The following ZSCAN32 variants were observed in gnomAD, a reference collection of about 807,000 sequenced individuals.
ZSCAN32 encodes the protein zinc finger and SCAN domain containing 32.
Under a neutral mutation model 47.4 loss-of-function variants are expected in ZSCAN32, and 52 were observed. The ratio of observed to expected loss-of-function variants is 1.10; its 90% CI spans 0.88 to 1.38. The LOEUF (loss-of-function observed/expected upper bound fraction) is 1.38, where lower values mean the gene tolerates loss of function less well. Among genes scored for constraint, ZSCAN32 ranks in the 40% most tolerant of loss-of-function variants. The pLI is 0.00. For missense variants in ZSCAN32, 959 were observed against 846.0 expected, an observed-to-expected ratio of 1.13 and a Z score of -1.66; for synonymous variants, 346 against 305.7, an observed-to-expected ratio of 1.13 and a Z score of -1.38.
Position 3,393,714 on chromosome 16 carries a change from T to A in ZSCAN32, c.467A>T (p.Gln156Leu). 1.3e-6 allele frequency: 2 copies of A among 1,550,530 alleles called. No homozygotes were observed. The highest frequency in any genetic ancestry group is 1.7e-6 in the Non-Finnish European group (2 of 1,146,978). ...SLRSQWKQEVQPEEPTFKGSQ... is the reference protein window; with the variant it reads ...SLRSQWKQEVLPEEPTFKGSQ... Reference sequence around the variant, plus strand: ...TCCCTTAAAAGTCGGTTCCTCTGGCTGAACCTCCTGTTTCCATTGGGATCT... The same window carrying A: ...TCCCTTAAAAGTCGGTTCCTCTGGCAGAACCTCCTGTTTCCATTGGGATCT... The change falls in exon 3 of 7, where the codon CAG becomes CTG. Residue 156 changes from glutamine (Q) to leucine (L), a missense_variant. Transcript: ENST00000396852.
intron 6 of ZSCAN32, chr16:3,383,932 C>T (rs1309862540): frequency 1.8e-6 from 1 of 552,154 alleles, no homozygotes; most frequent in Non-Finnish European, 3.1e-6. Flanking sequence ...TTTCTCCTAT[C>T]TTTTTTCGGA....
intron 3 of ZSCAN32, among the ~76,000 whole-genome samples, chr16:3,390,871 A>G (rs1380593443): frequency 1.3e-5 from 2 of 152,142 alleles, no homozygotes; most frequent in African/African-American, 4.8e-5. Context: ...ATGTCAGGGA[A>G]AAAAAGAGAA....
At chr16:3,391,186 C>T (rs2032649739) in intron 3 of ZSCAN32, among the ~76,000 whole-genome samples, 2 of 152,296 alleles carry the variant, frequency 1.3e-5, no homozygotes, top group South Asian at 2.1e-4. Flanking sequence ...CTGTGAGTGG[C>T]CCATGGGCCT....
Position 3,397,607 on chromosome 16 carries a change from C to T in ZSCAN32, c.-50G>A. The T allele has an allele frequency of 6.8e-7, 1 of 1,462,268 alleles. No individual in the cohort carries two copies. Among genetic ancestry groups the T allele is most frequent in the Non-Finnish European group, 9.0e-7 (1 of 1,105,414 alleles). 90.6% of individuals were successfully genotyped at this position (1,462,268 alleles called of 1,614,324 possible). A position where few individuals can be genotyped will look rare whatever the true frequency, so the allele number is the denominator to read the frequency against. On this transcript the variant is annotated 5_prime_UTR_variant, in exon 2 of 7. Transcript: ENST00000396852. The stretch of plus-strand genomic sequence containing the variant: ...TGGTTGCCACTTCTACCCTGGAGAT[C>T]AGAGTCCATCTTTCCCACATCACTG...
intron 3 of ZSCAN32, among the ~76,000 whole-genome samples, chr16:3,390,812 T>A (rs2032600257): frequency 6.6e-6 from 1 of 152,122 alleles, no homozygotes; most frequent in South Asian, 2.1e-4. Context: ...ATGAGATTCC[T>A]CTTGGCATAA....
chr16:3,398,356 A>G (rs1413765344), intron 1 of ZSCAN32, among the ~76,000 whole-genome samples: 3 of 151,972 alleles, frequency 2.0e-5, no homozygotes, highest in Non-Finnish European at 4.4e-5. Context: ...CGTTTTCCAC[A>G]GCCCTATGAA....
intron 5 of ZSCAN32, among the ~76,000 whole-genome samples, chr16:3,389,292 G>A (rs917725139): frequency 1.3e-5 from 2 of 152,114 alleles, no homozygotes; most frequent in Admixed American, 1.3e-4. Flanking sequence ...GAGTGAGGCG[G>A]GGCACTGTCA....
At chr16:3,392,491 G>A (rs1024942193) in intron 3 of ZSCAN32, among the ~76,000 whole-genome samples, 1 of 151,738 alleles carries the variant, frequency 6.6e-6, no homozygotes, top group African/African-American at 2.4e-5. Context: ...GAGGTTACAG[G>A]CATAAGCCAT....
chr16:3,390,445 A>C lies in ZSCAN32; in HGVS notation c.605T>G (p.Val202Gly). 6.5e-7 allele frequency: 1 copy of C among 1,550,270 alleles called. No individual in the cohort carries two copies. The highest frequency in any genetic ancestry group is 8.7e-7 in the Non-Finnish European group (1 of 1,146,952). The stretch of plus-strand genomic sequence containing the variant: ...CACCTGGGACCCAGCTGTCCAGACC[A>C]CAGCACCTGTCTCCTGGTCGTGGAG... Reference protein sequence around the residue: ...TGLHDQETGAVVWTAGSQGPA... With the variant: ...TGLHDQETGAGVWTAGSQGPA... The change falls in exon 4 of 7, where the codon GTG (valine) becomes GGG (glycine). Residue 202 changes from valine (V) to glycine (G), a missense_variant. Transcript: ENST00000396852.
In ZSCAN32 at chr16:3,397,656, AAT is replaced by A. The variant is rs1477853232; in HGVS notation, c.-101_-100del. On this transcript the variant is annotated 5_prime_UTR_variant, in exon 2 of 7. The change creates a premature stop within an existing upstream ORF in the 5' untranslated region. Transcript: ENST00000396852. Reference sequence around the variant, plus strand: ...TGGGAAGCCATGTTCTCCTGCAAGGAATGTCTTTCTGTAATCCGTGGGACATG... The same window carrying A: ...TGGGAAGCCATGTTCTCCTGCAAGGAGTCTTTCTGTAATCCGTGGGACATG... 7.1e-7 allele frequency: 1 copy of A among 1,409,302 alleles called. No homozygotes were observed. The highest frequency in any genetic ancestry group is 2.8e-5 in the Admixed American group (1 of 35,200). 87.3% of individuals were successfully genotyped at this position (1,409,302 alleles called of 1,614,324 possible).
chr16:3,388,927 TA>T (rs2032331850), intron 5 of ZSCAN32, among the ~76,000 whole-genome samples: 2 of 152,198 alleles, frequency 1.3e-5, no homozygotes, highest in Admixed American at 6.6e-5. Context: ...GACGTGGTGG[TA>T]ATTATACAAC....
At chr16:3,396,827 C>T (rs1240494720) in intron 2 of ZSCAN32, among the ~76,000 whole-genome samples, 1 of 152,188 alleles carries the variant, frequency 6.6e-6, no homozygotes, top group Non-Finnish European at 1.5e-5. Flanking sequence ...TGTCACTCTG[C>T]CCTCAAAGAA....
intron 2 of ZSCAN32, among the ~76,000 whole-genome samples, chr16:3,395,845 A>T (rs945416899): frequency 1.8e-4 from 27 of 152,284 alleles, no homozygotes; most frequent in African/African-American, 6.3e-4. Flanking sequence ...ATAAAAAACA[A>T]AAATTAGTTG....
At chr16:3,394,147 C>A (rs187755655) in intron 2 of ZSCAN32, among the ~76,000 whole-genome samples, 1 of 151,904 alleles carries the variant, frequency 6.6e-6, no homozygotes, top group Non-Finnish European at 1.5e-5. Flanking sequence ...GAATCTGTAA[C>A]CCCAGCTATT....
intron 1 of ZSCAN32, among the ~76,000 whole-genome samples, chr16:3,400,633 C>G (rs1233786401): frequency 7.2e-5 from 11 of 152,220 alleles, no homozygotes. Flanking sequence ...TCAGAACGCA[C>G]TCGGTGCCAG....
rs2150907737 is a variant in ZSCAN32 at position 3,397,205 on chromosome 16, G to A, written c.353C>T (p.Ala118Val). ...AVALVEDVQRAPGQQVLDSEK... is the reference protein window; with the variant it reads ...AVALVEDVQRVPGQQVLDSEK... ...TCCTTTTCTCACCTGTTGTCCAGGA[G>A]CTCTCTGTACATCCTCAACCAGAGC... is the stretch of plus-strand genomic sequence containing the variant. The change falls in exon 2 of 7, where the codon GCT (alanine) becomes GTT (valine). Residue 118 changes from alanine (A) to valine (V), a missense_variant. Transcript: ENST00000396852. 2 of 1,530,540 alleles carry A rather than the reference G, an allele frequency of 1.3e-6. No individual in the cohort carries two copies. Among genetic ancestry groups the A allele is most frequent in the Non-Finnish European group, 8.8e-7 (1 of 1,137,314 alleles). The allele number at this position is 1,530,540 out of a possible 1,614,324, so 94.8% of individuals were successfully genotyped here.
rs899839727 is a variant in ZSCAN32, at chr16:3,393,732, T to A, written c.449A>T (p.Gln150Leu). 2 of 1,550,382 alleles carry A rather than the reference T, an allele frequency of 1.3e-6. No individual in the cohort carries two copies. The highest frequency in any genetic ancestry group is 2.7e-5 in the African/African-American group (2 of 73,006). The change falls in exon 3 of 7, where the codon CAA (glutamine) becomes CTA (leucine). Residue 150 changes from glutamine (Q) to leucine (L), a missense_variant. By Grantham distance (113) the Gln-to-Leu change is moderately radical. Transcript: ENST00000396852. ...LGATRESLRS[Q>L]WKQEVQPEEP... ...CTCTGGCTGAACCTCCTGTTTCCAT[T>A]GGGATCTCAGTGATTCTCTGGTTGC...
intron 3 of ZSCAN32, among the ~76,000 whole-genome samples, chr16:3,391,190 T>C (rs1425627857): frequency 6.6e-6 from 1 of 152,218 alleles, no homozygotes; most frequent in Non-Finnish European, 1.5e-5. Context: ...GAGTGGCCCA[T>C]GGGCCTGGGA....
intron 5 of ZSCAN32, 31 bp from the exon 6 acceptor site, chr16:3,384,972 T>A: frequency 6.3e-7 from 1 of 1,593,672 alleles, no homozygotes; most frequent in Non-Finnish European, 8.5e-7. Context: ...CAATTAGATC[T>A]GTCAGTTAGA....
Sources: gnomAD v4.1 joint callset for allele counts (sites outside exome capture counted in the v4.1 genomes callset) on GRCh38, gnomAD v4.1.1 for gene constraint, MANE v1.5 for transcripts, NCBI Gene and HGNC (gene_info 2026-07-23, HGNC 2026-07-21) for gene names.